RBFOX1: variants seen among roughly 807,000 people sequenced by gnomAD.
RBFOX1 encodes the protein RNA binding fox-1 homolog 1.
Under a neutral mutation model 57.7 loss-of-function variants are expected in RBFOX1, and 8 were observed. That is an observed-to-expected ratio of 0.14 (90% CI 0.08 to 0.25). The LOEUF is 0.25. Ranked by LOEUF, RBFOX1 falls within the 10% of genes least tolerant of loss-of-function variation. The pLI, the probability that RBFOX1 is intolerant of heterozygous loss-of-function variation, is 1.00. For missense variants in RBFOX1, 611 were observed against 548.5 expected (o/e 1.11, Z -1.14); for synonymous variants, 326 against 222.4 (o/e 1.47, Z -4.15).
intron 2 of RBFOX1, among the ~76,000 whole-genome samples, chr16:6,625,462 GA>G (rs2098292133): frequency 6.6e-6 from 1 of 152,082 alleles, no homozygotes; most frequent in African/African-American, 2.4e-5. Flanking sequence ...TGTGAAATGG[GA>G]TACAAAGTCC....
At chr16:5,262,959 G>A (rs1330134729) in intron 1 of RBFOX1, among the ~76,000 whole-genome samples, 1 of 152,156 alleles carries the variant, frequency 6.6e-6, no homozygotes, top group Non-Finnish European at 1.5e-5. Context: ...GGCCATATCT[G>A]GAGGATCTTT....
At chr16:7,129,529 C>G (rs1352555406) in intron 4 of RBFOX1, among the ~76,000 whole-genome samples, 1 of 152,046 alleles carries the variant, frequency 6.6e-6, no homozygotes, top group Non-Finnish European at 1.5e-5. Flanking sequence ...CCATGATACT[C>G]TTGGATTACA....
chr16:5,461,617 C>T (rs1179510557), intron 1 of RBFOX1, among the ~76,000 whole-genome samples: 2 of 152,178 alleles, frequency 1.3e-5, no homozygotes, highest in African/African-American at 4.8e-5. Flanking sequence ...CATATTTCTG[C>T]CTTTAAGTGG....
At chr16:7,536,814 G>C (rs531747607) in intron 5 of RBFOX1, among the ~76,000 whole-genome samples, 2 of 152,304 alleles carry the variant, frequency 1.3e-5, no homozygotes, top group East Asian at 3.9e-4. Flanking sequence ...TTTACACTAT[G>C]GGCATTGGCA....
Position 6,903,016 on chromosome 16 carries a change from C to G in RBFOX1, c.-15-149041C>G, listed in dbSNP as rs138038878. On this transcript the variant is annotated intron_variant, in intron 3 of 15. Coordinates refer to ENST00000550418, the MANE Select transcript of RBFOX1 (RefSeq NM_018723.4). ...AGTCACCATGATTGATGTGTAACTT[C>G]AAATGAGATGACTGCTCCTGTGAAG... Among the ~76,000 whole-genome samples, 208 of 152,244 alleles carry G rather than the reference C, an allele frequency of 1.4e-3. 2 individuals carry two copies. The highest frequency in any genetic ancestry group is 4.7e-3 in the African/African-American group (194 of 41,542).
intron 3 of RBFOX1, among the ~76,000 whole-genome samples, chr16:6,855,828 T>A (rs2057763190): frequency 6.7e-6 from 1 of 148,834 alleles, no homozygotes; most frequent in African/African-American, 2.5e-5. Context: ...CCTCCTTCCC[T>A]CCCTCCTTCC....
chr16:6,331,630 T>C (rs894961479), intron 2 of RBFOX1, among the ~76,000 whole-genome samples: 2 of 151,614 alleles, frequency 1.3e-5, no homozygotes, highest in East Asian at 3.9e-4. Context: ...ATATAATCTA[T>C]CTGTTAATCT....
intron 1 of RBFOX1, among the ~76,000 whole-genome samples, chr16:5,284,573 A>C (rs1378828476): frequency 2.2e-5 from 3 of 136,948 alleles, no homozygotes; most frequent in Non-Finnish European, 3.1e-5. Context: ...ATGGAGTCTC[A>C]CTCTGTGACC....
intron 3 of RBFOX1, among the ~76,000 whole-genome samples, chr16:6,764,619 C>G (rs776201734): frequency 3.3e-5 from 5 of 152,096 alleles, no homozygotes; most frequent in African/African-American, 1.2e-4. Flanking sequence ...GTAAACAAAA[C>G]AATTAGAGAT....
At chr16:5,664,984 A>G (rs1215598846) in intron 3 of RBFOX1, among the ~76,000 whole-genome samples, 1 of 150,970 alleles carries the variant, frequency 6.6e-6, no homozygotes, top group East Asian at 1.9e-4. Flanking sequence ...TTGTTCTGCC[A>G]TTCAGGCTGG....
At chr16:5,258,917 A>G (rs1427335556) in intron 1 of RBFOX1, among the ~76,000 whole-genome samples, 1 of 151,944 alleles carries the variant, frequency 6.6e-6, no homozygotes, top group South Asian at 2.1e-4. Flanking sequence ...TCTCTGAAAA[A>G]AAAAAAAGAA....
At chr16:6,711,282 C>G (rs539382188) in intron 3 of RBFOX1, among the ~76,000 whole-genome samples, 2 of 152,150 alleles carry the variant, frequency 1.3e-5, no homozygotes, top group Non-Finnish European at 2.9e-5. Flanking sequence ...CGCCCCTCCC[C>G]CCATGGCTTC....
intron 3 of RBFOX1, among the ~76,000 whole-genome samples, chr16:6,811,420 A>G (rs1022271614): frequency 6.6e-6 from 1 of 152,224 alleles, no homozygotes; most frequent in Admixed American, 6.5e-5. Flanking sequence ...TTAATGTTTC[A>G]TTGGCTATTA....
chr16:7,218,658 G>C (rs2092460838), intron 4 of RBFOX1, among the ~76,000 whole-genome samples: 2 of 149,726 alleles, frequency 1.3e-5, no homozygotes, highest in African/African-American at 2.4e-5. Flanking sequence ...GTGTGTGTGT[G>C]TGTGTGTGTG....
chr16:6,898,692 G>A (rs1010406082), intron 3 of RBFOX1, among the ~76,000 whole-genome samples: 4 of 152,108 alleles, frequency 2.6e-5, no homozygotes, highest in African/African-American at 4.8e-5. Flanking sequence ...GTGTATATAC[G>A]TGTGTATGTG....
At chr16:7,061,926 G>C (rs938512336) in intron 4 of RBFOX1, among the ~76,000 whole-genome samples, 2 of 152,118 alleles carry the variant, frequency 1.3e-5, no homozygotes, top group African/African-American at 2.4e-5. Flanking sequence ...GTTCCCTCCA[G>C]TTGGGGGTAG....
At chr16:5,603,741 GCAGTC>G, downstream of RBFOX1, among the ~76,000 whole-genome samples, 1 of 152,140 alleles carries the variant, frequency 6.6e-6, no homozygotes. Flanking sequence ...TTTAAACATT[GCAGTC>G]ATCTGTGATC....
intron 3 of RBFOX1, among the ~76,000 whole-genome samples, chr16:5,810,554 G>T (rs764240819): frequency 2.6e-5 from 4 of 152,132 alleles, no homozygotes; most frequent in African/African-American, 7.2e-5. Flanking sequence ...CTATCCCATG[G>T]TGCTGGGTAT....
intron 1 of RBFOX1, among the ~76,000 whole-genome samples, chr16:5,384,756 A>C (rs1440212605): frequency 1.3e-5 from 2 of 152,222 alleles, no homozygotes; most frequent in African/African-American, 4.8e-5. Flanking sequence ...GATATGGACT[A>C]GAGACTCTAG....
Sources: gnomAD v4.1 joint callset for allele counts (sites outside exome capture counted in the v4.1 genomes callset) on GRCh38, gnomAD v4.1.1 for gene constraint, MANE v1.5 for transcripts, NCBI Gene and HGNC (gene_info 2026-07-23, HGNC 2026-07-21) for gene names.